The following INSYN2B variants were observed in gnomAD, a reference collection of about 807,000 sequenced individuals.
INSYN2B encodes inhibitory synaptic factor family member 2B, also known as protein INSYN2B.
In INSYN2B, 16 loss-of-function variants were observed where a neutral mutation model predicts 41.2. The ratio of observed to expected loss-of-function variants is 0.39; its 90% CI spans 0.26 to 0.59. The LOEUF is 0.59. Ranked by LOEUF, INSYN2B falls within the 20% of genes least tolerant of loss-of-function variation. The probability of loss-of-function intolerance (pLI) is 0.57; values close to 1 mark genes in which losing one functional copy is unlikely to be tolerated. For synonymous variants in INSYN2B, 245 were observed against 244.4 expected, an observed-to-expected ratio of 1.00 and a Z score of -0.02; for missense variants, 608 against 646.4, an observed-to-expected ratio of 0.94 and a Z score of 0.64.
At chr5:169,963,895 G>A (rs1463688393) in intron 1 of INSYN2B, among the ~76,000 whole-genome samples, 2 of 152,122 alleles carry the variant, frequency 1.3e-5, no homozygotes, top group Non-Finnish European at 2.9e-5. Context: ...GGTGTGGGGT[G>A]GAGCCTGAGA....
At chr5:169,905,882 T>G (rs1201360026) in intron 1 of INSYN2B, among the ~76,000 whole-genome samples, 2 of 152,214 alleles carry the variant, frequency 1.3e-5, no homozygotes, top group African/African-American at 2.4e-5. Context: ...GTCTAAACAT[T>G]CATTCACAGT....
intron 1 of INSYN2B, among the ~76,000 whole-genome samples, chr5:169,907,457 T>G (rs1357125714): frequency 6.6e-6 from 1 of 152,228 alleles, no homozygotes; most frequent in Non-Finnish European, 1.5e-5. Context: ...AGCTAAAATC[T>G]GTGGCTTGTT....
At chr5:169,906,394 A>AC (rs1299172794) in intron 1 of INSYN2B, among the ~76,000 whole-genome samples, 1 of 152,202 alleles carries the variant, frequency 6.6e-6, no homozygotes, top group East Asian at 1.9e-4. Flanking sequence ...AATTAAAACC[A>AC]CCATCATTTG....
At chr5:169,877,915 A>G (rs1208671638) in intron 3 of INSYN2B, among the ~76,000 whole-genome samples, 1 of 152,066 alleles carries the variant, frequency 6.6e-6, no homozygotes, top group Non-Finnish European at 1.5e-5. Context: ...TGTCTTTCCA[A>G]TTCCTGAACA....
intron 1 of INSYN2B, among the ~76,000 whole-genome samples, chr5:169,936,944 A>G (rs1776027482): frequency 6.6e-6 from 1 of 152,210 alleles, no homozygotes; most frequent in Admixed American, 6.5e-5. Context: ...AAAGCTTCTC[A>G]ATCCCAGACT....
rs968661863 is a variant in INSYN2B, at chr5:169,939,095, G to A, written c.-919+41182C>T. Among the ~76,000 whole-genome samples the A allele has an allele frequency of 9.2e-5, 14 of 151,828 alleles. No homozygotes were observed. The Middle Eastern group carries it at 0.01, about 111-fold the overall frequency. On this transcript the variant is annotated intron_variant, in intron 1 of 3. Coordinates refer to ENST00000377365, the MANE Select transcript of INSYN2B (RefSeq NM_001129891.3). ...ATTTTTTTGTATTTTTAGTAGAGAC[G>A]GGGTTTCACCGCATTAGCCAGGATG...
chr5:169,876,106 C>T, intron 3 of INSYN2B, among the ~76,000 whole-genome samples: 1 of 152,184 alleles, frequency 6.6e-6, no homozygotes, highest in East Asian at 1.9e-4. Context: ...CCACGGCACT[C>T]TGACCTTTGC....
chr5:169,946,625 T>C (rs1307195004), intron 1 of INSYN2B, among the ~76,000 whole-genome samples: 1 of 152,240 alleles, frequency 6.6e-6, no homozygotes, highest in Non-Finnish European at 1.5e-5. Context: ...ACTCATTGTG[T>C]ATCAGCCACT....
chr5:169,887,700 T>A lies in INSYN2B; in HGVS notation c.-918-2884A>T, dbSNP rs1773050081. ...CTATAAATAAACATTTTTATGTAAA[T>A]CTTGGAGCTCTTGTCTAATTATCTT... On this transcript the variant is annotated intron_variant, in intron 1 of 3. Transcript: ENST00000377365. 2.0e-5 allele frequency among the ~76,000 whole-genome samples: 3 copies of A among 152,242 alleles called. 1 individual carries two copies. In the South Asian group the frequency reaches 6.2e-4, roughly 32 times the overall value.
chr5:169,977,333 G>A (rs1777751343), intron 1 of INSYN2B, among the ~76,000 whole-genome samples: 1 of 152,128 alleles, frequency 6.6e-6, no homozygotes, highest in Non-Finnish European at 1.5e-5. Flanking sequence ...ACGGGTAGGC[G>A]GAGTCATCAT....
In INSYN2B at chr5:169,938,744, AAATT is replaced by A. The variant is rs1776100688; in HGVS notation, c.-919+41529_-919+41532del. 3.3e-5 allele frequency among the ~76,000 whole-genome samples: 5 copies of A among 152,204 alleles called. No homozygotes were observed. The South Asian group carries it at 8.3e-4, about 25-fold the overall frequency. On this transcript the variant is annotated intron_variant, in intron 1 of 3. Coordinates refer to ENST00000377365, the MANE Select transcript of INSYN2B (RefSeq NM_001129891.3). ...AAAATATTTTTTCTTCATCAGTAGA[AAATT>A]AACCATAGCAGAGTGTAACTTTACA...
chr5:169,869,700 A>C (rs972754599), intron 3 of INSYN2B, among the ~76,000 whole-genome samples: 1 of 152,240 alleles, frequency 6.6e-6, no homozygotes, highest in African/African-American at 2.4e-5. Flanking sequence ...TAAGTTGCCA[A>C]CTTGGTGAAA....
At chr5:169,885,706 C>T (rs894653065) in intron 1 of INSYN2B, among the ~76,000 whole-genome samples, 12 of 152,180 alleles carry the variant, frequency 7.9e-5, no homozygotes, top group African/African-American at 2.4e-4. Context: ...CTGTTCTAAG[C>T]GCTTTCCAAG....
intron 1 of INSYN2B, among the ~76,000 whole-genome samples, chr5:169,892,711 ATC>A (rs1773367443): frequency 6.6e-6 from 1 of 152,140 alleles, no homozygotes; most frequent in Non-Finnish European, 1.5e-5. Flanking sequence ...CTTCTACCTT[ATC>A]TTTCTTTTTT....
chr5:169,920,853 A>G (rs33370), intron 1 of INSYN2B, among the ~76,000 whole-genome samples: 62,139 of 152,018 alleles, frequency 0.41, 13,536 homozygotes, highest in African/African-American at 0.57. Context: ...CCTCCACCCT[A>G]GGACACCTGT....
intron 3 of INSYN2B, among the ~76,000 whole-genome samples, chr5:169,871,929 A>T (rs972783708): frequency 6.6e-6 from 1 of 152,190 alleles, no homozygotes; most frequent in African/African-American, 2.4e-5. Context: ...TGAAGATAAT[A>T]TCTGGGGTCA....
intron 1 of INSYN2B, among the ~76,000 whole-genome samples, chr5:169,922,717 C>A (rs1309318359): frequency 1.3e-5 from 2 of 152,190 alleles, no homozygotes; most frequent in Non-Finnish European, 2.9e-5. Flanking sequence ...GGAGCCAGAT[C>A]CTAACCCCTT....
At position 169,915,676 on chromosome 5, in the gene INSYN2B, A is replaced by AT. The variant is rs1171694434; in HGVS notation, c.-918-30861dup. ...GATTATTTCTCCACTGATGTTCATT[A>AT]TTTAGATCTATTTTCAACATTTAAA... On this transcript the variant is annotated intron_variant, in intron 1 of 3. Coordinates refer to ENST00000377365, the MANE Select transcript of INSYN2B (RefSeq NM_001129891.3). Among the ~76,000 whole-genome samples the AT allele has an allele frequency of 8.6e-5, 13 of 152,026 alleles. 1 individual carries two copies. The highest frequency in any genetic ancestry group is 2.9e-5 in the Non-Finnish European group (2 of 68,020).
Position 169,966,033 on chromosome 5 carries a change from T to C in INSYN2B, c.-919+14244A>G, listed in dbSNP as rs368941605. Among the ~76,000 whole-genome samples the C allele has an allele frequency of 2.8e-4, 43 of 152,330 alleles. 1 individual carries two copies. The South Asian group carries it at 8.3e-3, about 29-fold the overall frequency. On this transcript the variant is annotated intron_variant, in intron 1 of 3. Transcript: ENST00000377365. ...ATGAACCAGGGAAAAATCCACTGCC[T>C]TCCGAAGAGCAGGAAGTTTTCCTTT...
Sources: allele counts gnomAD v4.1 joint callset (sites outside exome capture counted in the v4.1 genomes callset), GRCh38; gene constraint gnomAD v4.1.1; transcripts MANE v1.5; gene names NCBI Gene and HGNC (gene_info 2026-07-23, HGNC 2026-07-21).